Variants in RANBP2 observed in about 807,000 individuals in gnomAD.
The protein encoded by RANBP2 is E3 SUMO-protein ligase RanBP2.
A neutral mutation model predicts 303.6 loss-of-function variants in RANBP2; 57 were observed. The observed-to-expected ratio is 0.19, with a 90% CI of 0.15 to 0.23. The LOEUF (loss-of-function observed/expected upper bound fraction) is 0.23, where lower values mean the gene tolerates loss of function less well. Among genes scored for constraint, RANBP2 ranks in the 10% least tolerant of loss-of-function variants. RANBP2 has a pLI of 1.00. For missense variants in RANBP2, 3,138 were observed against 3,780.8 expected (o/e 0.83, Z 4.46); for synonymous variants, 1,167 against 1,301.5 (o/e 0.90, Z 2.23).
chr2:109,255,150 G>A, the RANBP2 span, among the ~76,000 whole-genome samples: 1 of 152,170 alleles, frequency 6.6e-6, no homozygotes, highest in East Asian at 1.9e-4. Flanking sequence ...GTGTGTACAT[G>A]TGCACGTGTG....
At chr2:109,129,021 A>C in the RANBP2 span, 1 of 418,870 alleles carries the variant, frequency 2.4e-6, no homozygotes, top group South Asian at 1.7e-5. Flanking sequence ...GGTCCTGCTG[A>C]ATCCTCTGGA....
chr2:109,731,889 C>T, the RANBP2 span, among the ~76,000 whole-genome samples: 1 of 151,742 alleles, frequency 6.6e-6, no homozygotes, highest in Non-Finnish European at 1.5e-5. Flanking sequence ...ACTCTGTCAC[C>T]CAGGCTGGAG....
chr2:109,247,524 C>T, the RANBP2 span, among the ~76,000 whole-genome samples: 4 of 152,284 alleles, frequency 2.6e-5, no homozygotes, highest in East Asian at 7.7e-4. Context: ...CATGGGTGGT[C>T]ACGTGTCAGT....
the RANBP2 span, chr2:108,907,998 C>T: frequency 6.2e-7 from 1 of 1,610,312 alleles, no homozygotes. Context: ...GCTGCTCATT[C>T]TCGGATGAGG....
At chr2:109,065,405 C>T in the RANBP2 span, among the ~76,000 whole-genome samples, 1 of 152,092 alleles carries the variant, frequency 6.6e-6, no homozygotes, top group African/African-American at 2.4e-5. Context: ...GAGGACAGGT[C>T]CTTGGGGCTG....
At chr2:109,395,303 G>C in the RANBP2 span, among the ~76,000 whole-genome samples, 3 of 152,244 alleles carry the variant, frequency 2.0e-5, no homozygotes, top group Non-Finnish European at 4.4e-5. Context: ...TGGGCTTTCA[G>C]AACGAAGACT....
At chr2:108,974,888 A>G in the RANBP2 span, among the ~76,000 whole-genome samples, 66,439 of 152,066 alleles carry the variant, frequency 0.44, 18,120 homozygotes, top group South Asian at 0.67. Context: ...CAACACTTGC[A>G]GTCTGCATGC....
the RANBP2 span, among the ~76,000 whole-genome samples, chr2:109,050,592 A>G: frequency 2.0e-5 from 3 of 152,108 alleles, no homozygotes; most frequent in Non-Finnish European, 4.4e-5. Context: ...AAAGTTTAAA[A>G]TTACACATGT....
At chr2:109,431,919 A>G in the RANBP2 span, among the ~76,000 whole-genome samples, 1 of 152,148 alleles carries the variant, frequency 6.6e-6, no homozygotes, top group Non-Finnish European at 1.5e-5. Context: ...ACTGCAAGGA[A>G]GTGTGCAACC....
the RANBP2 span, among the ~76,000 whole-genome samples, chr2:108,849,674 G>GA: frequency 6.6e-5 from 10 of 151,228 alleles, no homozygotes; most frequent in African/African-American, 1.2e-4. Flanking sequence ...AAAAGAAAAA[G>GA]AAAAAAAAAT....
intron 5 of RANBP2, 88 bp from the exon 6 acceptor site, chr2:108,736,016 A>T: frequency 1.2e-6 from 2 of 1,609,996 alleles, no homozygotes; most frequent in South Asian, 1.1e-5. Flanking sequence ...ATGTGGTTGG[A>T]GTGAGAAAAG....
chr2:108,919,315 T>G, the RANBP2 span, among the ~76,000 whole-genome samples: 7 of 152,320 alleles, frequency 4.6e-5, no homozygotes, highest in Non-Finnish European at 7.4e-5. Context: ...AGAAAACAGC[T>G]GCCAGGCTAT....
chr2:108,951,051 TG>T, the RANBP2 span, among the ~76,000 whole-genome samples: 1 of 152,250 alleles, frequency 6.6e-6, no homozygotes, highest in Non-Finnish European at 1.5e-5. Context: ...TTGTGAGGCA[TG>T]CCTCTCATAA....
At chr2:108,928,046 G>A in the RANBP2 span, among the ~76,000 whole-genome samples, 2 of 152,104 alleles carry the variant, frequency 1.3e-5, no homozygotes, top group African/African-American at 4.8e-5. Flanking sequence ...AGCAGTCTGC[G>A]TGTTGACCTG....
chr2:109,639,575 C>T, the RANBP2 span, among the ~76,000 whole-genome samples: 1 of 151,694 alleles, frequency 6.6e-6, no homozygotes. Context: ...GCCGAGATTG[C>T]ACCACTGCAC....
chr2:109,196,499 C>T, the RANBP2 span, among the ~76,000 whole-genome samples: 5 of 152,240 alleles, frequency 3.3e-5, no homozygotes, highest in South Asian at 1.0e-3. Context: ...CAGTCTGTTT[C>T]TAGAGTGTCT....
the RANBP2 span, among the ~76,000 whole-genome samples, chr2:109,691,082 C>A: frequency 6.6e-6 from 1 of 152,186 alleles, no homozygotes; most frequent in Non-Finnish European, 1.5e-5. Context: ...GAGCAAAGAC[C>A]TTGGATCTCT....
the RANBP2 span, among the ~76,000 whole-genome samples, chr2:109,205,252 C>T: frequency 1.4e-5 from 2 of 147,810 alleles, no homozygotes; most frequent in African/African-American, 2.5e-5. Context: ...ATTAGAGCAA[C>T]TTATGTGACT....
the RANBP2 span, among the ~76,000 whole-genome samples, chr2:109,163,123 G>T: frequency 1.3e-5 from 2 of 152,188 alleles, no homozygotes; most frequent in African/African-American, 4.8e-5. Context: ...TTTCCACAGT[G>T]GAATTGCAGG....
Sources: gnomAD v4.1 joint callset for allele counts (sites outside exome capture counted in the v4.1 genomes callset) on GRCh38, gnomAD v4.1.1 for gene constraint, MANE v1.5 for transcripts, NCBI Gene and HGNC (gene_info 2026-07-23, HGNC 2026-07-21) for gene names.